Variants in CCDC33 observed in about 807,000 individuals in gnomAD.
CCDC33 encodes the protein coiled-coil domain containing 33.
CCDC33 carries 94 observed loss-of-function variants against 91.9 expected under a neutral mutation model. The ratio of observed to expected loss-of-function variants is 1.02; its 90% CI spans 0.87 to 1.21. The LOEUF is 1.21. Ranked by LOEUF, CCDC33 falls within the 50% of genes most tolerant of loss-of-function variation. CCDC33 has a pLI of 0.00. For missense variants in CCDC33, 940 were observed against 935.5 expected, an observed-to-expected ratio of 1.00 and a Z score of -0.06; for synonymous variants, 396 against 374.5, an observed-to-expected ratio of 1.06 and a Z score of -0.66.
At chr15:74,223,560 C>T (rs545648908) in intron 2 of CCDC33, among the ~76,000 whole-genome samples, 92 of 152,174 alleles carry the variant, frequency 6.0e-4, no homozygotes, top group Admixed American at 9.2e-4. Context: ...TCTCTTAACT[C>T]GAGTTAGAGA....
chr15:74,334,091 C>G, intron 17 of CCDC33, 124 bp downstream of exon 17: 1 of 844,634 alleles, frequency 1.2e-6, no homozygotes, highest in Non-Finnish European at 1.8e-6. Context: ...AGTGTGTGGC[C>G]AGGGTCGGGG....
intron 5 of CCDC33, among the ~76,000 whole-genome samples, chr15:74,271,071 G>A (rs1248416862): frequency 2.6e-5 from 4 of 152,136 alleles, no homozygotes; most frequent in African/African-American, 9.7e-5. Context: ...ACTTCCTGGG[G>A]AAACCAGCAA....
At chr15:74,235,078 G>A (rs1014286651), upstream of CCDC33, among the ~76,000 whole-genome samples, 4 of 152,194 alleles carry the variant, frequency 2.6e-5, no homozygotes, top group Non-Finnish European at 5.9e-5. Context: ...ACACTGTGCT[G>A]GGACATGTTG....
intron 2 of CCDC33, among the ~76,000 whole-genome samples, chr15:74,259,575 A>G (rs1232497913): frequency 6.6e-6 from 1 of 151,790 alleles, no homozygotes; most frequent in Admixed American, 6.6e-5. Flanking sequence ...GCACTCACCT[A>G]GCCCTGATGA....
upstream of CCDC33, among the ~76,000 whole-genome samples, chr15:74,217,016 A>G (rs1438606355): frequency 6.6e-6 from 1 of 152,222 alleles, no homozygotes; most frequent in Non-Finnish European, 1.5e-5. Context: ...AATGCCTAAA[A>G]TAGTATCTGG....
At chr15:74,216,946 C>A (rs80341097), upstream of CCDC33, among the ~76,000 whole-genome samples, 2,175 of 152,206 alleles carry the variant, frequency 0.014, 48 homozygotes, top group African/African-American at 0.05. Context: ...ACCCACCTCC[C>A]CCACTAGAAG....
chr15:74,221,453 C>T (rs1353763796), intron 2 of CCDC33: 1 of 313,528 alleles, frequency 3.2e-6, no homozygotes, highest in Non-Finnish European at 4.6e-6. Context: ...GGTTACACAG[C>T]CTTAAATGGC....
At chr15:74,267,728 G>A (rs917268527) in intron 4 of CCDC33, among the ~76,000 whole-genome samples, 4 of 150,824 alleles carry the variant, frequency 2.7e-5, no homozygotes, top group African/African-American at 9.9e-5. Context: ...GAAGCCACTT[G>A]GTCCCCAGGC....
At chr15:74,209,701 A>C in intron 2 of CCDC33, 2 of 482,090 alleles carry the variant, frequency 4.1e-6, no homozygotes, top group Non-Finnish European at 7.3e-6. Flanking sequence ...CCCTCACCTG[A>C]GCACAGGCTC....
At chr15:74,319,216 C>T (rs1057408769) in intron 11 of CCDC33, among the ~76,000 whole-genome samples, 3 of 152,200 alleles carry the variant, frequency 2.0e-5, no homozygotes, top group African/African-American at 7.2e-5. Flanking sequence ...GAGGACAACC[C>T]CAACAAGGGT....
At chr15:74,277,434 C>T (rs1181135382) in intron 7 of CCDC33, among the ~76,000 whole-genome samples, 1 of 152,248 alleles carries the variant, frequency 6.6e-6, no homozygotes, top group Non-Finnish European at 1.5e-5. Context: ...GGAATGAAGG[C>T]TCTGTCCCCA....
At chr15:74,273,427 TG>T (rs2076373180) in intron 7 of CCDC33, among the ~76,000 whole-genome samples, 1 of 152,230 alleles carries the variant, frequency 6.6e-6, no homozygotes, top group Non-Finnish European at 1.5e-5. Flanking sequence ...ACATTAAAAA[TG>T]GCTACAATGG....
At position 74,336,009 on chromosome 15, in the gene CCDC33, C is replaced by T. The variant is rs762020534; in HGVS notation, c.2224C>T (p.Pro742Ser). ...LPSSDSKLNK[P>S]LSPQKETANS... The stretch of plus-strand genomic sequence containing the variant: ...CAGCTCAGACTCTAAGCTCAACAAG[C>T]CCTTGAGCCCCCAGAAGGAGACCGC... The change falls in exon 19 of 19, where the codon CCC becomes TCC. Residue 742 changes from proline to serine, a missense_variant. Transcript: ENST00000398814. The T allele has an allele frequency of 6.2e-6, 10 of 1,613,868 alleles. No individual in the cohort carries two copies. The highest frequency in any genetic ancestry group is 1.3e-5 in the African/African-American group (1 of 74,932).
At chr15:74,211,119 C>G (rs572513595) in intron 2 of CCDC33, among the ~76,000 whole-genome samples, 214 of 133,722 alleles carry the variant, frequency 1.6e-3, no homozygotes, top group African/African-American at 5.3e-3. Context: ...GGAAGTTTTG[C>G]CAGAGATTCC....
chr15:74,212,257 A>G (rs2074375034), upstream of CCDC33: 1 of 152,332 alleles, frequency 6.6e-6, no homozygotes. Flanking sequence ...CAGCCAAGCA[A>G]CTGGGCACAT....
intron 11 of CCDC33, among the ~76,000 whole-genome samples, chr15:74,318,087 G>A (rs575769306): frequency 1.8e-4 from 26 of 148,230 alleles, no homozygotes; most frequent in African/African-American, 5.6e-4. Flanking sequence ...GTGCTGCTGC[G>A]GGGTGGGGAG....
chr15:74,295,836 C>T lies in CCDC33; in HGVS notation c.1178C>T (p.Thr393Ile). 6.2e-7 allele frequency: 1 copy of T among 1,614,172 alleles called. No individual in the cohort carries two copies. The highest frequency in any genetic ancestry group is 8.5e-7 in the Non-Finnish European group (1 of 1,180,022). ...AAGATCCTGGATAAGAAGCTGAGAACCATCCAAGAGTCCTGGTCCAAGGAC... is the reference window on the plus strand; with the variant it reads ...AAGATCCTGGATAAGAAGCTGAGAATCATCCAAGAGTCCTGGTCCAAGGAC... ...DPKILDKKLR[T>I]IQESWSKDTV... The change falls in exon 11 of 19, where the codon ACC becomes ATC. Residue 393 changes from threonine (T) to isoleucine (I), a missense_variant. Thr to Ile is a moderately conservative substitution (Grantham distance 89, BLOSUM62 -1). Coordinates refer to ENST00000398814, the MANE Select transcript of CCDC33 (RefSeq NM_025055.5).
At chr15:74,328,251 G>T (rs1363779082) in intron 11 of CCDC33, among the ~76,000 whole-genome samples, 1 of 152,222 alleles carries the variant, frequency 6.6e-6, no homozygotes, top group Non-Finnish European at 1.5e-5. Flanking sequence ...GCAGCAAGGA[G>T]GAAGAGGAAG....
Position 74,331,256 on chromosome 15 carries a change from G to GCC in CCDC33, c.1735_1736dup (p.Pro580LeufsTer3). ...AGGACAGGCTGCAGGACAGGAGCAA[G>GCC]CCCCCTCCTCTGAACAGGCAGCAGG... On this transcript the variant is annotated frameshift_variant, in exon 15 of 19. Transcript: ENST00000398814. LOFTEE classifies it high-confidence loss of function. 3.7e-6 allele frequency: 6 copies of GCC among 1,614,152 alleles called. No homozygotes were observed. Among genetic ancestry groups the GCC allele is most frequent in the Non-Finnish European group, 5.1e-6 (6 of 1,180,002 alleles).
Sources: allele counts gnomAD v4.1 joint callset (sites outside exome capture counted in the v4.1 genomes callset), GRCh38; gene constraint gnomAD v4.1.1; transcripts MANE v1.5; gene names NCBI Gene and HGNC (gene_info 2026-07-23, HGNC 2026-07-21).